SNTG1: variants seen among roughly 807,000 people sequenced by gnomAD.
SNTG1 encodes gamma-1-syntrophin.
SNTG1 carries 39 observed loss-of-function variants against 74.7 expected under a neutral mutation model. That is an observed-to-expected ratio of 0.52 (90% confidence interval 0.40 to 0.68). SNTG1 has a LOEUF of 0.68. Ranked by LOEUF, SNTG1 falls within the 30% of genes least tolerant of loss-of-function variation. SNTG1 has a pLI of 0.00. For missense variants in SNTG1, 685 were observed against 609.5 expected (o/e 1.12, Z -1.30); for synonymous variants, 254 against 217.1 (o/e 1.17, Z -1.49).
chr8:50,460,809 A>T (rs1373990400), intron 8 of SNTG1, among the ~76,000 whole-genome samples: 1 of 152,094 alleles, frequency 6.6e-6, no homozygotes, highest in East Asian at 1.9e-4. Context: ...ATATGGTTTT[A>T]TATCTAGGTT....
chr8:50,653,938 C>A (rs1002726310), intron 13 of SNTG1, among the ~76,000 whole-genome samples: 3 of 152,104 alleles, frequency 2.0e-5, no homozygotes, highest in Non-Finnish European at 4.4e-5. Context: ...TATTATAAAT[C>A]GTCTGCCTTC....
chr8:50,386,430 T>TG (rs1054832503), intron 2 of SNTG1, among the ~76,000 whole-genome samples: 64 of 106,934 alleles, frequency 6.0e-4, no homozygotes, highest in Non-Finnish European at 4.7e-4. Context: ...TGCAATTCTT[T>TG]GGGGGAGGCT....
At chr8:50,194,799 A>G (rs559084845) in intron 2 of SNTG1, among the ~76,000 whole-genome samples, 1 of 152,068 alleles carries the variant, frequency 6.6e-6, no homozygotes, top group South Asian at 2.1e-4. Flanking sequence ...TGATGTAGGC[A>G]CTTAGGGCTA....
intron 2 of SNTG1, among the ~76,000 whole-genome samples, chr8:50,253,925 G>T (rs922538802): frequency 3.9e-5 from 6 of 151,962 alleles, no homozygotes; most frequent in African/African-American, 1.5e-4. Flanking sequence ...GATGGAGAGA[G>T]GTTGGTGAAT....
rs528871063 is a variant in SNTG1 at position 50,003,934 on chromosome 8, G to A, written c.-103+91703G>A. ...GTGAATTTCATTGTAGCTGACCTAG[G>A]TTTATTATTCTAGTTAAAAGAATTT... is the stretch of plus-strand genomic sequence containing the variant. On this transcript the variant is annotated intron_variant, in intron 1 of 18. Coordinates refer to ENST00000642720, the MANE Select transcript of SNTG1 (RefSeq NM_018967.5). Among the ~76,000 whole-genome samples, 14 of 152,216 alleles carry A rather than the reference G, an allele frequency of 9.2e-5. No individual in the cohort carries two copies. The East Asian group carries it at 2.5e-3, about 27-fold the overall frequency.
intron 1 of SNTG1, among the ~76,000 whole-genome samples, chr8:49,949,159 G>A (rs751102578): frequency 2.0e-5 from 3 of 152,288 alleles, no homozygotes; most frequent in South Asian, 2.1e-4. Flanking sequence ...CTTAGGAAAG[G>A]CACTGGTCAT....
chr8:50,171,218 TAC>T (rs1184761509), intron 1 of SNTG1, among the ~76,000 whole-genome samples: 1 of 152,148 alleles, frequency 6.6e-6, no homozygotes, highest in Non-Finnish European at 1.5e-5. Context: ...GAAATATACA[TAC>T]ATATATATAT....
chr8:50,280,365 T>G (rs2130420119), intron 2 of SNTG1, among the ~76,000 whole-genome samples: 1 of 152,318 alleles, frequency 6.6e-6, no homozygotes, highest in South Asian at 2.1e-4. Flanking sequence ...TTAAAACATC[T>G]TTTGCAATTT....
intron 12 of SNTG1, among the ~76,000 whole-genome samples, chr8:50,589,667 T>C (rs917259946): frequency 1.3e-5 from 2 of 151,990 alleles, no homozygotes; most frequent in African/African-American, 4.8e-5. Flanking sequence ...AAAATATTAG[T>C]TGAATTTTAG....
At chr8:50,648,156 A>T (rs947293168) in intron 13 of SNTG1, among the ~76,000 whole-genome samples, 2 of 152,132 alleles carry the variant, frequency 1.3e-5, no homozygotes, top group East Asian at 3.9e-4. Flanking sequence ...TCCCTCACAG[A>T]TCTGATAATC....
intron 2 of SNTG1, among the ~76,000 whole-genome samples, chr8:50,314,408 A>G (rs1434598582): frequency 6.7e-6 from 1 of 149,696 alleles, no homozygotes; most frequent in African/African-American, 2.5e-5. Context: ...GGTTTCACCA[A>G]ATCAAACATT....
chr8:49,950,003 T>C (rs1809561186), intron 1 of SNTG1, among the ~76,000 whole-genome samples: 1 of 152,138 alleles, frequency 6.6e-6, no homozygotes, highest in South Asian at 2.1e-4. Flanking sequence ...GGTGCACACC[T>C]ATAATCCCAG....
chr8:50,757,748 A>T (rs913282145), intron 18 of SNTG1, among the ~76,000 whole-genome samples: 4 of 151,880 alleles, frequency 2.6e-5, no homozygotes, highest in Admixed American at 6.6e-5. Context: ...CTTGTTCTTT[A>T]TTCTTATTTT....
intron 2 of SNTG1, among the ~76,000 whole-genome samples, chr8:50,244,217 G>A (rs1293334167): frequency 6.6e-6 from 1 of 152,068 alleles, no homozygotes; most frequent in Admixed American, 6.6e-5. Context: ...GCTATCATGA[G>A]GACAGCACCA....
intron 1 of SNTG1, among the ~76,000 whole-genome samples, chr8:49,995,004 A>G (rs1320424379): frequency 3.4e-5 from 2 of 59,044 alleles, no homozygotes; most frequent in East Asian, 1.3e-3. Flanking sequence ...AATTTAAATA[A>G]GAATGTTGAG....
At chr8:50,021,490 G>A (rs1816808092) in intron 1 of SNTG1, among the ~76,000 whole-genome samples, 1 of 152,118 alleles carries the variant, frequency 6.6e-6, no homozygotes, top group Non-Finnish European at 1.5e-5. Context: ...TTTCTCCCAT[G>A]AGTTAATTAA....
intron 1 of SNTG1, among the ~76,000 whole-genome samples, chr8:50,039,273 G>C (rs1818418131): frequency 6.6e-6 from 1 of 151,948 alleles, no homozygotes; most frequent in Admixed American, 6.6e-5. Context: ...GGCTAACACG[G>C]TGAAATACTG....
chr8:50,382,172 A>G (rs2131236938), intron 2 of SNTG1: 1 of 152,202 alleles, frequency 6.6e-6, no homozygotes, highest in East Asian at 1.9e-4. Context: ...CAAAATCCTC[A>G]CAGATGCACC....
At chr8:50,468,718 T>C (rs954351615) in intron 8 of SNTG1, among the ~76,000 whole-genome samples, 3 of 152,192 alleles carry the variant, frequency 2.0e-5, no homozygotes, top group African/African-American at 7.2e-5. Flanking sequence ...CCCCACTCTT[T>C]TTTAACTTCC....
Sources: allele counts gnomAD v4.1 joint callset (sites outside exome capture counted in the v4.1 genomes callset), GRCh38; gene constraint gnomAD v4.1.1; transcripts MANE v1.5; gene names NCBI Gene and HGNC (gene_info 2026-07-23, HGNC 2026-07-21).